The following RAB27A variants were observed in gnomAD, a reference collection of about 807,000 sequenced individuals.
RAB27A encodes the protein RAB27A, member RAS oncogene family.
Under a neutral mutation model 20.8 loss-of-function variants are expected in RAB27A, and 17 were observed. That is an observed-to-expected ratio of 0.82 (90% CI 0.56 to 1.23). The LOEUF is 1.23. Ranked by LOEUF, RAB27A falls within the 50% of genes most tolerant of loss-of-function variation. The probability of loss-of-function intolerance (pLI) is 0.00; values close to 1 mark genes in which losing one functional copy is unlikely to be tolerated. For missense variants in RAB27A, 277 were observed against 266.7 expected (o/e 1.04, Z -0.27); for synonymous variants, 85 against 92.8 (o/e 0.92, Z 0.48).
At chr15:55,214,989 C>T (rs989919291) in intron 6 of RAB27A, among the ~76,000 whole-genome samples, 4 of 152,068 alleles carry the variant, frequency 2.6e-5, no homozygotes. Context: ...ATTTCTTATA[C>T]TTAAGGAGAG....
intron 2 of RAB27A, among the ~76,000 whole-genome samples, chr15:55,259,688 T>C (rs1897206333): frequency 6.6e-6 from 1 of 152,248 alleles, no homozygotes; most frequent in South Asian, 2.1e-4. Flanking sequence ...ATTCAAGGTA[T>C]ATGTAGGGAT....
At chr15:55,291,438 G>A (rs1373335321), upstream of RAB27A, among the ~76,000 whole-genome samples, 2 of 139,762 alleles carry the variant, frequency 1.4e-5, no homozygotes, top group Non-Finnish European at 3.0e-5. Context: ...TTGAACCCGA[G>A]AGGTGGAGGT....
chr15:55,308,731 T>C (rs981451792), intron 2 of RAB27A, among the ~76,000 whole-genome samples: 1 of 152,196 alleles, frequency 6.6e-6, no homozygotes, highest in Non-Finnish European at 1.5e-5. Flanking sequence ...CTTCAAGTAA[T>C]AGAGCCTGAT....
chr15:55,247,514 T>A lies in RAB27A; in HGVS notation c.-22-12558A>T, dbSNP rs558902273. On this transcript the variant is annotated intron_variant, in intron 2 of 6. Transcript: ENST00000336787. ...ATCTTCCTAGAACATGAAACATGCA[T>A]GGAAAGCTTTTGACCAACACAGACT... Among the ~76,000 whole-genome samples the A allele has an allele frequency of 2.6e-5, 4 of 152,220 alleles. 1 individual carries two copies. In the East Asian group the frequency reaches 7.7e-4, roughly 29 times the overall value.
chr15:55,267,521 C>T (rs574953885), intron 2 of RAB27A, among the ~76,000 whole-genome samples: 1 of 152,336 alleles, frequency 6.6e-6, no homozygotes, highest in East Asian at 1.9e-4. Context: ...GCTGCAGCAA[C>T]ACCAGAAGCG....
chr15:55,248,476 A>T (rs544465362), intron 2 of RAB27A, among the ~76,000 whole-genome samples: 38 of 152,172 alleles, frequency 2.5e-4, no homozygotes, highest in Non-Finnish European at 4.6e-4. Flanking sequence ...CAATAAATTC[A>T]TAATGCTGCT....
intron 6 of RAB27A, 125 bp from the exon 7 acceptor site, chr15:55,205,830 C>A: frequency 1.1e-6 from 1 of 880,098 alleles, no homozygotes; most frequent in Non-Finnish European, 1.9e-6. Flanking sequence ...ATTTTACCAC[C>A]CCAGAGTACA....
In RAB27A at chr15:55,209,869, T is replaced by TACAC. The variant is rs1240214797; in HGVS notation, c.468-4165_468-4164insGTGT. Among the ~76,000 whole-genome samples the TACAC allele has an allele frequency of 3.5e-3, 29 of 8,236 alleles. 1 individual carries two copies. Among genetic ancestry groups the TACAC allele is most frequent in the African/African-American group, 4.8e-3 (29 of 6,056 alleles). The allele number at this position is 8,236 out of a possible 152,430, so 5.4% of individuals were successfully genotyped here. A position where few individuals can be genotyped will look rare whatever the true frequency, so the allele number is the denominator to read the frequency against. On this transcript the variant is annotated intron_variant, in intron 6 of 6. Transcript: ENST00000336787. ...ACATATATGTGTGTATATACATATA[T>TACAC]ACATATATGTGTGTGTATACATATA...
chr15:55,260,807 G>A (rs971012938), intron 2 of RAB27A, among the ~76,000 whole-genome samples: 1 of 152,166 alleles, frequency 6.6e-6, no homozygotes, highest in Non-Finnish European at 1.5e-5. Context: ...GAGAACAGAC[G>A]ATTTTTAGGG....
In RAB27A at chr15:55,211,048, T is replaced by C. The variant is rs186884304; in HGVS notation, c.468-5343A>G. Among the ~76,000 whole-genome samples, 7 of 152,324 alleles carry C rather than the reference T, an allele frequency of 4.6e-5. No homozygotes were observed. In the East Asian group the frequency reaches 5.8e-4, roughly 13 times the overall value. On this transcript the variant is annotated intron_variant, in intron 6 of 6. Transcript: ENST00000336787. ...CCTTTCCCCTCTGTTCTTGGTACTT[T>C]TGTCCAAGATGAGTTGTCTGTAAAT... is the stretch of plus-strand genomic sequence containing the variant.
rs1894599927 is a variant in RAB27A, at chr15:55,205,528, C to A, written c.645G>T (p.Glu215Asp). The A allele has an allele frequency of 6.2e-7, 1 of 1,614,074 alleles. No homozygotes were observed. The highest frequency in any genetic ancestry group is 1.7e-5 in the Admixed American group (1 of 60,008). Reference protein sequence around the residue: ...ASTDQLSEEKEKGACGC With the variant: ...ASTDQLSEEKDKGACGC Reference sequence around the variant, plus strand: ...CTTCTCAACAGCCACATGCCCCTTTCTCCTTTTCTTCACTTAACTGATCCG... The same window carrying A: ...CTTCTCAACAGCCACATGCCCCTTTATCCTTTTCTTCACTTAACTGATCCG... Residue 215 changes from glutamate to aspartate, a missense_variant, in exon 7 of 7, where the codon GAG becomes GAT. Transcript: ENST00000336787.
At chr15:55,210,237 A>T (rs1427913184) in intron 6 of RAB27A, among the ~76,000 whole-genome samples, 2 of 120,026 alleles carry the variant, frequency 1.7e-5, no homozygotes, top group Non-Finnish European at 3.3e-5. Context: ...ATACACACAT[A>T]TATATTAGTG....
Position 55,204,407 on chromosome 15 carries a change from G to C in RAB27A, c.*1100C>G, listed in dbSNP as rs1894545049. ...TTCATTTTTCTTTTATTGAACTACA[G>C]TACAAATGTGACTGCTTCAATATGA... On this transcript the variant is annotated 3_prime_UTR_variant, in exon 7 of 7. Coordinates refer to ENST00000336787, the MANE Select transcript of RAB27A (RefSeq NM_183235.3). 6.6e-6 allele frequency: 1 copy of C among 152,132 alleles called. No individual in the cohort carries two copies. The highest frequency in any genetic ancestry group is 2.4e-5 in the African/African-American group (1 of 41,432). 9.4% of individuals were successfully genotyped at this position (152,132 alleles called of 1,614,324 possible).
rs189495892 is a variant in RAB27A at position 55,239,815 on chromosome 15, G to C, written c.-22-4859C>G. Among the ~76,000 whole-genome samples the C allele has an allele frequency of 1.7e-3, 266 of 152,260 alleles. 1 individual carries two copies. The highest frequency in any genetic ancestry group is 6.2e-3 in the African/African-American group (256 of 41,546). On this transcript the variant is annotated intron_variant, in intron 2 of 6. Coordinates refer to ENST00000336787, the MANE Select transcript of RAB27A (RefSeq NM_183235.3). ...TAAGAAAATTTCAGAGAAATAAAGG[G>C]AGTTGGGGGCAGGCAGGTTTTCAAA...
intron 2 of RAB27A, among the ~76,000 whole-genome samples, chr15:55,306,970 G>A (rs543330044): frequency 4.6e-5 from 7 of 152,204 alleles, no homozygotes; most frequent in Admixed American, 1.3e-4. Context: ...AATAGCTAGC[G>A]TTGTCTCCTG....
intron 1 of RAB27A, among the ~76,000 whole-genome samples, chr15:55,272,887 G>A (rs1458334229): frequency 2.0e-5 from 3 of 152,088 alleles, no homozygotes; most frequent in African/African-American, 4.8e-5. Context: ...TCTCCAGAAA[G>A]TCTCAGGGAT....
chr15:55,247,694 A>T lies in RAB27A; in HGVS notation c.-22-12738T>A, dbSNP rs62018088. 7.2e-3 allele frequency among the ~76,000 whole-genome samples: 1,104 copies of T among 152,322 alleles called. 8 individuals are homozygous for T. Among genetic ancestry groups the T allele is most frequent in the Non-Finnish European group, 0.012 (833 of 68,018 alleles). On this transcript the variant is annotated intron_variant, in intron 2 of 6. Transcript: ENST00000336787. ...TCTTTCCTTCCAAGAAACATGATGAATTAGAAGCAGCCAGACGTGTTAAAC... is the reference window on the plus strand; with the variant it reads ...TCTTTCCTTCCAAGAAACATGATGATTTAGAAGCAGCCAGACGTGTTAAAC...
chr15:55,260,660 A>T (rs767320772), intron 2 of RAB27A, among the ~76,000 whole-genome samples: 42 of 152,258 alleles, frequency 2.8e-4, no homozygotes, highest in Non-Finnish European at 4.1e-4. Context: ...CCTTAAATGC[A>T]TATTACTAAC....
Position 55,209,943 on chromosome 15 carries a change from T to C in RAB27A, c.468-4238A>G, listed in dbSNP as rs1461019343. Among the ~76,000 whole-genome samples, 8 of 123,248 alleles carry C rather than the reference T, an allele frequency of 6.5e-5. 1 individual carries two copies. The East Asian group carries it at 1.5e-3, about 23-fold the overall frequency. 80.9% of individuals were successfully genotyped at this position (123,248 alleles called of 152,430 possible). ...ATACACACATATATGTATGTACATGTACACACATACGCATATATGTGCGTA... is the reference window on the plus strand; with the variant it reads ...ATACACACATATATGTATGTACATGCACACACATACGCATATATGTGCGTA... On this transcript the variant is annotated intron_variant, in intron 6 of 6. Transcript: ENST00000336787.
Sources: allele counts gnomAD v4.1 joint callset (sites outside exome capture counted in the v4.1 genomes callset), GRCh38; gene constraint gnomAD v4.1.1; transcripts MANE v1.5; gene names NCBI Gene and HGNC (gene_info 2026-07-23, HGNC 2026-07-21).